Variants in COL4A1 observed in about 807,000 individuals in gnomAD.
COL4A1 encodes the protein collagen alpha-1(IV) chain.
In COL4A1, 40 loss-of-function variants were observed where a neutral mutation model predicts 216.6. That is an observed-to-expected ratio of 0.18 (90% CI 0.14 to 0.24). The LOEUF (loss-of-function observed/expected upper bound fraction) is 0.24, where lower values mean the gene tolerates loss of function less well. Among genes scored for constraint, COL4A1 ranks in the 10% least tolerant of loss-of-function variants. The pLI, the probability that COL4A1 is intolerant of heterozygous loss-of-function variation, is 1.00. For missense variants in COL4A1, 1,628 were observed against 2,196.8 expected (o/e 0.74, Z 5.18); for synonymous variants, 839 against 810.7 (o/e 1.03, Z -0.59).
intron 2 of COL4A1, among the ~76,000 whole-genome samples, chr13:110,230,731 G>A (rs1356062661): frequency 6.6e-6 from 1 of 152,208 alleles, no homozygotes; most frequent in African/African-American, 2.4e-5. Flanking sequence ...TTTGCTGGAA[G>A]TCCCCCCGTG....
intron 28 of COL4A1, 66 bp from the exon 29 acceptor site, chr13:110,181,455 C>CTTT (rs1207868415): frequency 7.0e-6 from 10 of 1,425,652 alleles, no homozygotes; most frequent in Non-Finnish European, 9.7e-6. Flanking sequence ...CCGTTCCCCA[C>CTTT]TTTCTTCACT....
intron 49 of COL4A1, among the ~76,000 whole-genome samples, chr13:110,155,893 C>A (rs953080691): frequency 1.3e-5 from 2 of 152,052 alleles, no homozygotes; most frequent in African/African-American, 4.8e-5. Context: ...GCCTGGGCAA[C>A]AAGAGTGAAA....
chr13:110,234,624 T>G (rs1881222306), intron 2 of COL4A1, among the ~76,000 whole-genome samples: 1 of 151,802 alleles, frequency 6.6e-6, no homozygotes, highest in Non-Finnish European at 1.5e-5. Context: ...CAAATAAGTG[T>G]GGGGAACTGT....
At chr13:110,207,000 A>G in intron 13 of COL4A1, 109 bp from the exon 14 acceptor site, 1 of 1,146,848 alleles carries the variant, frequency 8.7e-7, no homozygotes, top group Non-Finnish European at 1.3e-6. Flanking sequence ...TGATATATTA[A>G]CAAAGAAATT....
chr13:110,172,028 C>A (rs544167511), intron 41 of COL4A1, among the ~76,000 whole-genome samples: 2 of 152,360 alleles, frequency 1.3e-5, no homozygotes, highest in South Asian at 4.1e-4. Flanking sequence ...CACCTCCGTG[C>A]CCCTGCTCCT....
chr13:110,152,484 C>A lies in COL4A1; in HGVS notation c.4778G>T (p.Gly1593Val), dbSNP rs889464899. Residue 1593 changes from glycine to valine, a missense_variant, in exon 51 of 52, where the codon GGC (glycine) becomes GTC (valine). By Grantham distance (109) the Gly-to-Val change is moderately radical. This residue lies in a region of COL4A1 where 254 missense variants were observed against 300.1 expected (regional missense o/e 0.85). Transcript: ENST00000375820. ...FVMHTSAGAE[G>V]SGQALASPGS... ...GGGGGACGCCAGGGCTTGGCCAGAGCCTTCTGCACCAGCGCTGGTGTGCTG... is the reference window on the plus strand; with the variant it reads ...GGGGGACGCCAGGGCTTGGCCAGAGACTTCTGCACCAGCGCTGGTGTGCTG... 2 of 1,613,090 alleles carry A rather than the reference C, an allele frequency of 1.2e-6. No individual in the cohort carries two copies. The highest frequency in any genetic ancestry group is 2.2e-5 in the East Asian group (1 of 44,882).
intron 41 of COL4A1, 47 bp downstream of exon 41, chr13:110,172,673 G>A: frequency 1.9e-6 from 3 of 1,567,572 alleles, no homozygotes; most frequent in South Asian, 1.1e-5. Context: ...TGCTAATCAG[G>A]CAGCAGCGGT....
intron 1 of COL4A1, among the ~76,000 whole-genome samples, chr13:110,264,209 A>T (rs1882938230): frequency 6.6e-6 from 1 of 152,210 alleles, no homozygotes; most frequent in Admixed American, 6.5e-5. Context: ...AAAGGACCGC[A>T]GACTCTGGTC....
intron 37 of COL4A1, 74 bp from the exon 38 acceptor site, chr13:110,174,823 T>C (rs1027610301): frequency 6.5e-6 from 9 of 1,374,488 alleles, no homozygotes; most frequent in Non-Finnish European, 9.4e-6. Flanking sequence ...TTATAGATAA[T>C]GGTATACATT....
At chr13:110,216,847 T>C (rs912315556) in intron 2 of COL4A1, among the ~76,000 whole-genome samples, 5 of 152,216 alleles carry the variant, frequency 3.3e-5, no homozygotes, top group African/African-American at 9.7e-5. Context: ...ATTCCGATGC[T>C]TAACTGACTT....
chr13:110,261,398 G>C (rs1882821065), intron 1 of COL4A1, among the ~76,000 whole-genome samples: 1 of 152,234 alleles, frequency 6.6e-6, no homozygotes, highest in Non-Finnish European at 1.5e-5. Context: ...TTGGGAGCCT[G>C]CTAACTCACT....
intron 1 of COL4A1, among the ~76,000 whole-genome samples, chr13:110,297,421 C>T (rs904129538): frequency 6.6e-5 from 10 of 152,152 alleles, no homozygotes; most frequent in African/African-American, 2.2e-4. Context: ...TAAAGGAATA[C>T]GTTATTATCC....
At chr13:110,176,249 A>G (rs1176023734) in intron 36 of COL4A1, among the ~76,000 whole-genome samples, 175 bp downstream of exon 36, 1 of 152,202 alleles carries the variant, frequency 6.6e-6, no homozygotes, top group East Asian at 1.9e-4. Flanking sequence ...CTGTCAGCCA[A>G]ATGTCATCCA....
chr13:110,285,597 A>AT (rs1404239558), intron 1 of COL4A1, among the ~76,000 whole-genome samples: 2 of 152,160 alleles, frequency 1.3e-5, no homozygotes, highest in African/African-American at 4.8e-5. Context: ...TGAGATGAAC[A>AT]TTTGAACTGG....
Position 110,162,305 on chromosome 13 carries a change from C to A in COL4A1, c.4387G>T (p.Gly1463Trp). The A allele has an allele frequency of 6.2e-7, 1 of 1,614,238 alleles. No individual in the cohort carries two copies. Among genetic ancestry groups the A allele is most frequent in the Non-Finnish European group, 8.5e-7 (1 of 1,180,040 alleles). The change falls in exon 48 of 52, where the codon GGG becomes TGG. Residue 1463 changes from glycine (G) to tryptophan (W), a missense_variant. Physicochemically the swap from Gly to Trp is radical, Grantham distance 184 (BLOSUM62 -2). Coordinates refer to ENST00000375820, the MANE Select transcript of COL4A1 (RefSeq NM_001845.6). ...TACCCGTGGTAAAGAATTTTGGTCC[C>A]AGAAGGACACTGTGGGTCATCTATT... is the stretch of plus-strand genomic sequence containing the variant. ...QTIDDPQCPS[G>W]TKILYHGYSL...
At chr13:110,301,966 C>T (rs772231336) in intron 1 of COL4A1, among the ~76,000 whole-genome samples, 2 of 152,114 alleles carry the variant, frequency 1.3e-5, no homozygotes, top group Non-Finnish European at 2.9e-5. Flanking sequence ...GAATTGAGGG[C>T]AATTAGCCTC....
chr13:110,187,697 T>G (rs1204144041), intron 24 of COL4A1, among the ~76,000 whole-genome samples: 3 of 152,162 alleles, frequency 2.0e-5, no homozygotes, highest in African/African-American at 7.2e-5. Flanking sequence ...CTGATTGATG[T>G]GTGGTTCATT....
At chr13:110,305,460 G>A (rs1394191565) in intron 1 of COL4A1, among the ~76,000 whole-genome samples, 3 of 152,210 alleles carry the variant, frequency 2.0e-5, no homozygotes, top group East Asian at 3.8e-4. Flanking sequence ...TCAGAAAATC[G>A]AAATGCAAAC....
chr13:110,173,831 C>T, intron 40 of COL4A1, 69 bp downstream of exon 40: 2 of 1,579,164 alleles, frequency 1.3e-6, no homozygotes, highest in Non-Finnish European at 1.7e-6. Context: ...TCACTGAACA[C>T]AGGCAGTCTG....
Sources: gnomAD v4.1 joint callset for allele counts (sites outside exome capture counted in the v4.1 genomes callset) on GRCh38, gnomAD v4.1.1 for gene constraint, gnomAD v4.1.1 regional missense constraint, MANE v1.5 for transcripts, NCBI Gene and HGNC (gene_info 2026-07-23, HGNC 2026-07-21) for gene names.